The following TOMM20L variants were observed in gnomAD, a reference collection of about 807,000 sequenced individuals.
The protein encoded by TOMM20L is translocase of outer mitochondrial membrane 20 like.
TOMM20L carries 19 observed loss-of-function variants against 20.4 expected under a neutral mutation model. The ratio of observed to expected loss-of-function variants is 0.93; its 90% CI spans 0.65 to 1.36. The LOEUF is 1.36. TOMM20L is among the 40% of genes most tolerant of loss of function. The pLI is 0.00. For missense variants in TOMM20L, 218 were observed against 203.7 expected, an observed-to-expected ratio of 1.07 and a Z score of -0.43; for synonymous variants, 75 against 79.6, an observed-to-expected ratio of 0.94 and a Z score of 0.30.
chr14:58,396,033 T>C lies in TOMM20L; in HGVS notation c.76T>C (p.Cys26Arg). ...TGGCGCCTTCGCCTTCCTGGGCTAT[T>C]GTATTTACCTCAACCGGAAGCGGCG... The part of the protein sequence containing the change: ...ACGAFAFLGY[C>R]IYLNRKRRGD... The change falls in exon 1 of 5, where the codon TGT becomes CGT. Residue 26 changes from cysteine (C) to arginine (R), a missense_variant. Coordinates refer to ENST00000360945, the MANE Select transcript of TOMM20L (RefSeq NM_207377.3). The C allele has an allele frequency of 7.0e-7, 1 of 1,437,974 alleles. No homozygotes were observed. The highest frequency in any genetic ancestry group is 9.2e-7 in the Non-Finnish European group (1 of 1,090,616). 89.1% of individuals were successfully genotyped at this position (1,437,974 alleles called of 1,614,324 possible). A position where few individuals can be genotyped will look rare whatever the true frequency, so the allele number is the denominator to read the frequency against.
In TOMM20L at chr14:58,395,952, G is replaced by T. The variant is rs568204751; in HGVS notation, c.-6G>T. 4 of 1,395,340 alleles carry T rather than the reference G, an allele frequency of 2.9e-6. No individual in the cohort carries two copies. In the African/African-American group the frequency reaches 6.0e-5, roughly 21 times the overall value. 86.4% of individuals were successfully genotyped at this position (1,395,340 alleles called of 1,614,324 possible). On this transcript the variant is annotated 5_prime_UTR_variant, in exon 1 of 5. Transcript: ENST00000360945. Reference sequence around the variant, plus strand: ...AACGCTCGGCTTGTGGGACGCCCGCGGTCGGATGCCCTCCGTCCGCTCCCT... The same window carrying T: ...AACGCTCGGCTTGTGGGACGCCCGCTGTCGGATGCCCTCCGTCCGCTCCCT...
chr14:58,411,838 G>T, downstream of TOMM20L: 2 of 1,447,548 alleles, frequency 1.4e-6, no homozygotes, highest in South Asian at 1.1e-5. Context: ...CACCCAGCCT[G>T]ACATGGTGGC....
chr14:58,412,449 G>C (rs557875524), downstream of TOMM20L, among the ~76,000 whole-genome samples: 1 of 152,252 alleles, frequency 6.6e-6, no homozygotes, highest in African/African-American at 2.4e-5. Context: ...CAGAGAATTA[G>C]ATTTTCTAAT....
downstream of TOMM20L, among the ~76,000 whole-genome samples, chr14:58,409,756 T>A (rs2036151713): frequency 6.6e-6 from 1 of 152,022 alleles, no homozygotes; most frequent in Non-Finnish European, 1.5e-5. Context: ...TTTTTTGTAT[T>A]TTTAGTAGAG....
intron 2 of TOMM20L, 108 bp from the exon 3 acceptor site, chr14:58,402,572 G>A (rs1310118017): frequency 3.6e-6 from 3 of 823,558 alleles, no homozygotes; most frequent in Non-Finnish European, 5.9e-6. Context: ...ACAGGTGTGA[G>A]CCACCGCATC....
At chr14:58,396,385 T>C in intron 2 of TOMM20L, 44 bp downstream of exon 2, 1 of 1,609,798 alleles carries the variant, frequency 6.2e-7, no homozygotes, top group Non-Finnish European at 8.5e-7. Flanking sequence ...TAGACGCAGG[T>C]CCGGGCTCGC....
intron 2 of TOMM20L, among the ~76,000 whole-genome samples, chr14:58,402,471 A>G (rs2036003952): frequency 6.6e-6 from 1 of 152,114 alleles, no homozygotes; most frequent in Admixed American, 6.5e-5. Flanking sequence ...TATTTTTAGT[A>G]GAGATGGGGT....
At chr14:58,408,892 C>T (rs559220522), downstream of TOMM20L, 35 of 1,222,154 alleles carry the variant, frequency 2.9e-5, no homozygotes, top group Non-Finnish European at 3.7e-5. Flanking sequence ...GTTTCTCCAG[C>T]GGTTTCCATT....
At chr14:58,409,824 T>C (rs968225067), downstream of TOMM20L, among the ~76,000 whole-genome samples, 3 of 152,098 alleles carry the variant, frequency 2.0e-5, no homozygotes, top group African/African-American at 7.2e-5. Context: ...GTGATCCGCC[T>C]GCCTCAGCCT....
chr14:58,399,914 A>G (rs1441840877), intron 2 of TOMM20L, among the ~76,000 whole-genome samples: 1 of 136,480 alleles, frequency 7.3e-6, no homozygotes, highest in East Asian at 2.1e-4. Context: ...ATATATATAT[A>G]TATATATATA....
downstream of TOMM20L, chr14:58,410,940 T>G (rs1184163862): frequency 6.2e-7 from 1 of 1,606,840 alleles, no homozygotes; most frequent in Non-Finnish European, 8.5e-7. Context: ...TTCCTTAAAC[T>G]ACAAACAAAC....
chr14:58,413,067 C>A (rs1163838226), downstream of TOMM20L, among the ~76,000 whole-genome samples: 1 of 152,084 alleles, frequency 6.6e-6, no homozygotes, highest in Non-Finnish European at 1.5e-5. Flanking sequence ...AAGATTTTAA[C>A]ATTTCAACAT....
Position 58,396,288 on chromosome 14 carries a change from G to T in TOMM20L, c.137-10G>T. On this transcript the variant is annotated splice_polypyrimidine_tract_variant and intron_variant, in intron 1 of 4. Coordinates refer to ENST00000360945, the MANE Select transcript of TOMM20L (RefSeq NM_207377.3). ...CCTCCCAGCCAGCATGTGCCGTGTT[G>T]TGTTCGCAGAAAGAAGAGCAGAGCC... 6.2e-7 allele frequency: 1 copy of T among 1,613,148 alleles called. No homozygotes were observed. Among genetic ancestry groups the T allele is most frequent in the Non-Finnish European group, 8.5e-7 (1 of 1,179,788 alleles).
At chr14:58,397,314 C>G (rs1473216311) in intron 2 of TOMM20L, among the ~76,000 whole-genome samples, 1 of 152,112 alleles carries the variant, frequency 6.6e-6, no homozygotes, top group African/African-American at 2.4e-5. Context: ...AGAGAGCACG[C>G]ACATGCATGT....
rs750828842 is a variant in TOMM20L, at chr14:58,396,104, C to G, written c.136+11C>G. 1.2e-4 allele frequency: 165 copies of G among 1,336,952 alleles called. No homozygotes were observed. The highest frequency in any genetic ancestry group is 1.6e-4 in the Non-Finnish European group (163 of 1,043,272). The allele number at this position is 1,336,952 out of a possible 1,614,324, so 82.8% of individuals were successfully genotyped here. ...GCCGCCTGCGGGACAGTGAGTGGGA[C>G]CGAGGCGGAGGCGCGGCCGGGCCGG... On this transcript the variant is annotated intron_variant, in intron 1 of 4. Transcript: ENST00000360945.
intron 2 of TOMM20L, 34 bp downstream of exon 2, chr14:58,396,375 T>C (rs1441375249): frequency 1.2e-6 from 2 of 1,611,910 alleles, no homozygotes; most frequent in Non-Finnish European, 1.7e-6. Flanking sequence ...GGTAGCTCAG[T>C]AGACGCAGGT....
downstream of TOMM20L, among the ~76,000 whole-genome samples, chr14:58,410,099 T>C (rs1437824566): frequency 2.0e-5 from 3 of 151,972 alleles, no homozygotes; most frequent in African/African-American, 7.2e-5. Flanking sequence ...GTTGACAGGG[T>C]CTTGCTCTGT....
At chr14:58,398,880 CTCTAT>C (rs1042308879) in intron 2 of TOMM20L, 1 of 151,818 alleles carries the variant, frequency 6.6e-6, no homozygotes, top group Non-Finnish European at 1.5e-5. Context: ...ATTGTCACAA[CTCTAT>C]TCTAATTTTT....
chr14:58,407,590 C>A, intron 4 of TOMM20L, 122 bp downstream of exon 4: 2 of 1,168,096 alleles, frequency 1.7e-6, no homozygotes, highest in East Asian at 2.9e-5. Flanking sequence ...AGTGAAATCT[C>A]TGAATTTTTG....
Sources: allele counts gnomAD v4.1 joint callset (sites outside exome capture counted in the v4.1 genomes callset), GRCh38; gene constraint gnomAD v4.1.1; transcripts MANE v1.5; gene names NCBI Gene and HGNC (gene_info 2026-07-23, HGNC 2026-07-21).